Variants in PALLD observed in about 807,000 individuals in gnomAD.
PALLD encodes palladin.
A neutral mutation model predicts 123.5 loss-of-function variants in PALLD; 61 were observed. That is an observed-to-expected ratio of 0.49 (90% CI 0.40 to 0.61). PALLD has a LOEUF of 0.61. Ranked by LOEUF, PALLD falls within the 20% of genes least tolerant of loss-of-function variation. The pLI is 0.00. For synonymous variants in PALLD, 465 were observed against 496.4 expected, an observed-to-expected ratio of 0.94 and a Z score of 0.84; for missense variants, 1,273 against 1,377.0, an observed-to-expected ratio of 0.92 and a Z score of 1.20.
At chr4:168,640,184 C>T (rs1561336666) in intron 2 of PALLD, among the ~76,000 whole-genome samples, 1 of 152,194 alleles carries the variant, frequency 6.6e-6, no homozygotes, top group Non-Finnish European at 1.5e-5. Context: ...GTATTATCCT[C>T]ATTTGGCTGG....
At chr4:168,817,679 G>T (rs1420687454) in intron 10 of PALLD, among the ~76,000 whole-genome samples, 1 of 152,120 alleles carries the variant, frequency 6.6e-6, no homozygotes, top group Non-Finnish European at 1.5e-5. Flanking sequence ...TTTGGAAGGA[G>T]AATTTCAGAT....
rs773298502 is a variant in PALLD at position 168,576,126 on chromosome 4, A to G, written c.908+63714A>G. Among the ~76,000 whole-genome samples the G allele has an allele frequency of 9.9e-5, 15 of 152,158 alleles. 1 individual carries two copies. Among genetic ancestry groups the G allele is most frequent in the South Asian group, 4.1e-4 (2 of 4,828 alleles). The stretch of plus-strand genomic sequence containing the variant: ...TATTTTTTAAAGTATCATTGCATTT[A>G]ATTGTTCCTAAGATGCACTTTTTAA... On this transcript the variant is annotated intron_variant, in intron 2 of 21. Coordinates refer to ENST00000505667, the MANE Select transcript of PALLD (RefSeq NM_001166108.2).
intron 2 of PALLD, among the ~76,000 whole-genome samples, chr4:168,603,548 CTA>C (rs1163796597): frequency 6.6e-6 from 1 of 152,244 alleles, no homozygotes; most frequent in South Asian, 2.1e-4. Context: ...ACAGCTTGTT[CTA>C]TGTTAGGCAC....
intron 2 of PALLD, among the ~76,000 whole-genome samples, chr4:168,614,020 C>G (rs1470209020): frequency 6.6e-6 from 1 of 152,198 alleles, no homozygotes; most frequent in African/African-American, 2.4e-5. Context: ...TCGGTTTCGA[C>G]TGTTCTTTCT....
intron 10 of PALLD, among the ~76,000 whole-genome samples, chr4:168,841,204 G>A (rs1745990997): frequency 6.6e-6 from 1 of 152,150 alleles, no homozygotes; most frequent in Non-Finnish European, 1.5e-5. Flanking sequence ...TTCCCAAGGT[G>A]AGCTGTTGGA....
At chr4:168,655,640 C>T (rs1193208410) in intron 2 of PALLD, among the ~76,000 whole-genome samples, 2 of 152,204 alleles carry the variant, frequency 1.3e-5, no homozygotes, top group African/African-American at 4.8e-5. Flanking sequence ...AAAGTTTTAG[C>T]TTTTTCCAAA....
chr4:168,723,513 T>C (rs1786230887), intron 10 of PALLD, among the ~76,000 whole-genome samples: 1 of 152,136 alleles, frequency 6.6e-6, no homozygotes, highest in Admixed American at 6.5e-5. Context: ...CCATAGGCAA[T>C]AGAAGAGATC....
In PALLD at chr4:168,785,844, G is replaced by GATATATAT. The variant is rs1230880749; in HGVS notation, c.1964+73922_1964+73923insTATATATA. Among the ~76,000 whole-genome samples, 336 of 53,166 alleles carry GATATATAT rather than the reference G, an allele frequency of 6.3e-3. 5 individuals carry two copies. Among genetic ancestry groups the GATATATAT allele is most frequent in the African/African-American group, 9.4e-3 (166 of 17,634 alleles). 34.9% of individuals were successfully genotyped at this position (53,166 alleles called of 152,430 possible). On this transcript the variant is annotated intron_variant, in intron 10 of 21. Coordinates refer to ENST00000505667, the MANE Select transcript of PALLD (RefSeq NM_001166108.2). ...ACAGAGTCAGTTCTAATAAACTGTAGAGATATATATATATATATATATATA... is the reference window on the plus strand; with the variant it reads ...ACAGAGTCAGTTCTAATAAACTGTAGATATATATAGATATATATATATATATATATATA...
At chr4:168,818,081 A>C in intron 10 of PALLD, among the ~76,000 whole-genome samples, 1 of 152,208 alleles carries the variant, frequency 6.6e-6, no homozygotes, top group East Asian at 1.9e-4. Context: ...CCTGCCCCCC[A>C]CTTAAACTGA....
At chr4:168,710,298 C>T (rs139731314) in intron 9 of PALLD, among the ~76,000 whole-genome samples, 1 of 146,186 alleles carries the variant, frequency 6.8e-6, no homozygotes, top group Non-Finnish European at 1.5e-5. Flanking sequence ...CTTTTCTTTT[C>T]TTTTTATTTG....
chr4:168,698,137 T>C (rs1218164377), intron 8 of PALLD, among the ~76,000 whole-genome samples: 1 of 152,166 alleles, frequency 6.6e-6, no homozygotes, highest in African/African-American at 2.4e-5. Context: ...AAACATCACA[T>C]GTTCTTACTT....
At chr4:168,542,008 C>A (rs1053688371) in intron 2 of PALLD, among the ~76,000 whole-genome samples, 2 of 151,990 alleles carry the variant, frequency 1.3e-5, no homozygotes, top group Non-Finnish European at 2.9e-5. Flanking sequence ...GTGGATCTAC[C>A]CTAACATTTG....
At chr4:168,772,129 C>G (rs573588059) in intron 10 of PALLD, among the ~76,000 whole-genome samples, 1 of 152,234 alleles carries the variant, frequency 6.6e-6, no homozygotes, top group Non-Finnish European at 1.5e-5. Context: ...CGAAATAGGA[C>G]TATTTTTATT....
intron 10 of PALLD, among the ~76,000 whole-genome samples, chr4:168,834,519 A>C (rs1353184957): frequency 6.6e-6 from 1 of 152,154 alleles, no homozygotes; most frequent in African/African-American, 2.4e-5. Flanking sequence ...CGGGCAGATC[A>C]CGAGGTCAGG....
At chr4:168,792,696 A>T (rs1027295519) in intron 10 of PALLD, among the ~76,000 whole-genome samples, 4 of 151,892 alleles carry the variant, frequency 2.6e-5, no homozygotes, top group Non-Finnish European at 5.9e-5. Context: ...TCCAAAACAC[A>T]TCTGTGTGGG....
intron 15 of PALLD, among the ~76,000 whole-genome samples, chr4:168,913,056 C>T (rs1479438302): frequency 6.6e-6 from 1 of 151,924 alleles, no homozygotes. Context: ...CTCTCCTTAT[C>T]ATCCCACGCA....
intron 10 of PALLD, among the ~76,000 whole-genome samples, chr4:168,772,773 C>T (rs1276547638): frequency 6.6e-6 from 1 of 151,828 alleles, no homozygotes; most frequent in African/African-American, 2.4e-5. Context: ...AATAAATATA[C>T]TGAATGAATG....
intron 10 of PALLD, among the ~76,000 whole-genome samples, chr4:168,875,126 A>ATGGAAATACATACTATT (rs1751572060): frequency 6.6e-6 from 1 of 151,994 alleles, no homozygotes. Flanking sequence ...CCAAAATACT[A>ATGGAAATACATACTATT]TGGAAATACA....
chr4:168,849,761 A>T (rs1166502147), intron 10 of PALLD, among the ~76,000 whole-genome samples: 3 of 152,010 alleles, frequency 2.0e-5, no homozygotes, highest in Non-Finnish European at 4.4e-5. Context: ...AAGCAAAAAA[A>T]AAAAAACACT....
Sources: gnomAD v4.1 joint callset for allele counts (sites outside exome capture counted in the v4.1 genomes callset) on GRCh38, gnomAD v4.1.1 for gene constraint, MANE v1.5 for transcripts, NCBI Gene and HGNC (gene_info 2026-07-23, HGNC 2026-07-21) for gene names.